Variants in CA12 observed in about 807,000 individuals in gnomAD.
The protein encoded by CA12 is carbonate dehydratase XII.
In CA12, 36 loss-of-function variants were observed where a neutral mutation model predicts 46.8. The observed-to-expected ratio is 0.77, with a 90% CI of 0.59 to 1.02. The LOEUF (loss-of-function observed/expected upper bound fraction) is 1.02, where lower values mean the gene tolerates loss of function less well. Ranked by LOEUF, CA12 falls within the 50% of genes least tolerant of loss-of-function variation. CA12 has a pLI of 0.00. For missense variants in CA12, 436 were observed against 451.4 expected, an observed-to-expected ratio of 0.97 and a Z score of 0.31; for synonymous variants, 202 against 187.0, an observed-to-expected ratio of 1.08 and a Z score of -0.65.
At position 63,355,109 on chromosome 15, in the gene CA12, G is replaced by T. The variant is rs890931640; in HGVS notation, c.107-8400C>A. Among the ~76,000 whole-genome samples, 1 of 152,176 alleles carries T rather than the reference G, an allele frequency of 6.6e-6. No individual in the cohort carries two copies. The highest frequency in any genetic ancestry group is 2.4e-5 in the African/African-American group (1 of 41,430). ...CTCATGACCTGTGACCTTAGAGTATGTTCATCGTGGAGAGGCTCTGCCCAC... is the reference window on the plus strand; with the variant it reads ...CTCATGACCTGTGACCTTAGAGTATTTTCATCGTGGAGAGGCTCTGCCCAC... On this transcript the variant is annotated intron_variant, in intron 2 of 10. Coordinates refer to ENST00000178638, the MANE Select transcript of CA12 (RefSeq NM_001218.5). This position sits in a 1 kb window ranked among gnomAD's most constrained non-coding sequence, Gnocchi z 4.1.
chr15:63,325,264 C>T lies in CA12; in HGVS notation c.*1021G>A, dbSNP rs1039288884. On this transcript the variant is annotated 3_prime_UTR_variant, in exon 11 of 11. Coordinates refer to ENST00000178638, the MANE Select transcript of CA12 (RefSeq NM_001218.5). The surrounding 1 kb of genome is among the most constrained non-coding windows in gnomAD (Gnocchi z 4.9). ...AGAAGTGGCTGAAATGAAATTTGGC[C>T]TACAGAGAATAAGTTCTACAGTCAT... 12 of 152,244 alleles carry T rather than the reference C, an allele frequency of 7.9e-5. No individual in the cohort carries two copies. The highest frequency in any genetic ancestry group is 2.9e-4 in the African/African-American group (12 of 41,550). 9.4% of individuals were successfully genotyped at this position (152,244 alleles called of 1,614,324 possible). A position where few individuals can be genotyped will look rare whatever the true frequency, so the allele number is the denominator to read the frequency against.
chr15:63,376,001 G>T (rs2039566228), intron 1 of CA12, among the ~76,000 whole-genome samples: 1 of 152,040 alleles, frequency 6.6e-6, no homozygotes, highest in African/African-American at 2.4e-5. Flanking sequence ...TAGAGATGGG[G>T]TTTCTCCATG....
In CA12 at chr15:63,342,113, A is replaced by C; in HGVS notation, c.430-16T>G. ...CAATGTGCAGCTGCAGTGGGGGAGA[A>C]GCCACCCATTAGGAGATAAGCGACT... On this transcript the variant is annotated splice_polypyrimidine_tract_variant and intron_variant, in intron 4 of 10. Coordinates refer to ENST00000178638, the MANE Select transcript of CA12 (RefSeq NM_001218.5). 6.4e-7 allele frequency: 1 copy of C among 1,562,172 alleles called. No individual in the cohort carries two copies. Among genetic ancestry groups the C allele is most frequent in the Non-Finnish European group, 8.8e-7 (1 of 1,133,482 alleles).
At chr15:63,351,425 C>T (rs1197674189) in intron 2 of CA12, among the ~76,000 whole-genome samples, 1 of 152,178 alleles carries the variant, frequency 6.6e-6, no homozygotes, top group Non-Finnish European at 1.5e-5. Flanking sequence ...CATCCGTACA[C>T]TCCCTTTCTC....
At position 63,328,254 on chromosome 15, in the gene CA12, A is replaced by G; in HGVS notation, c.875-124T>C. On this transcript the variant is annotated intron_variant, in intron 8 of 10. Transcript: ENST00000178638. The surrounding 1 kb of genome is among the most constrained non-coding windows in gnomAD (Gnocchi z 5.9). ...GGCTGACAGACCTCTAGGGATGTCC[A>G]CCCTTGGCTCAGGGATTGCCTGATG... The G allele has an allele frequency of 2.3e-6, 2 of 852,680 alleles. No individual in the cohort carries two copies. The highest frequency in any genetic ancestry group is 3.9e-6 in the Non-Finnish European group (2 of 508,136). The allele number at this position is 852,680 out of a possible 1,614,324, so 52.8% of individuals were successfully genotyped here.
chr15:63,329,782 G>A lies in CA12; in HGVS notation c.875-1652C>T, dbSNP rs1372096620. ...GGACTCTCCCTTGGGGCCCTTAACA[G>A]CCTGGGGAACCAGATCTGAGGCTGC... On this transcript the variant is annotated intron_variant, in intron 8 of 10. Coordinates refer to ENST00000178638, the MANE Select transcript of CA12 (RefSeq NM_001218.5). The surrounding 1 kb of genome is among the most constrained non-coding windows in gnomAD (Gnocchi z 4.8). 1.3e-5 allele frequency among the ~76,000 whole-genome samples: 2 copies of A among 152,190 alleles called. No homozygotes were observed. The highest frequency in any genetic ancestry group is 4.8e-5 in the African/African-American group (2 of 41,444).
At chr15:63,366,476 T>C (rs545938434) in intron 2 of CA12, among the ~76,000 whole-genome samples, 2 of 152,350 alleles carry the variant, frequency 1.3e-5, no homozygotes, top group South Asian at 4.1e-4. Flanking sequence ...AGGCCCCGCT[T>C]AATTGCTCTG....
chr15:63,381,820 G>C lies in CA12; in HGVS notation c.-100C>G. 2.7e-6 allele frequency: 2 copies of C among 753,336 alleles called. No individual in the cohort carries two copies. Among genetic ancestry groups the C allele is most frequent in the South Asian group, 5.1e-5 (2 of 39,132 alleles). 46.7% of individuals were successfully genotyped at this position (753,336 alleles called of 1,614,324 possible). A position where few individuals can be genotyped will look rare whatever the true frequency, so the allele number is the denominator to read the frequency against. On this transcript the variant is annotated 5_prime_UTR_variant, in exon 1 of 11. Transcript: ENST00000178638. The stretch of plus-strand genomic sequence containing the variant: ...CCGGGACCGCGTGCGCGCAGCCTGG[G>C]TGCCGTGGCGAGTACGTCCGCCCTT...
Position 63,325,363 on chromosome 15 carries a change from C to A in CA12, c.*922G>T, listed in dbSNP as rs902551809. ...CGGAACTCATGTCTCCTCCAGGACA[C>A]AGCAACAACACATTTTCAAGGAACA... On this transcript the variant is annotated 3_prime_UTR_variant, in exon 11 of 11. Transcript: ENST00000178638. The surrounding 1 kb of genome is among the most constrained non-coding windows in gnomAD (Gnocchi z 4.9). 6.6e-6 allele frequency: 1 copy of A among 152,138 alleles called. No individual in the cohort carries two copies. Among genetic ancestry groups the A allele is most frequent in the Non-Finnish European group, 1.5e-5 (1 of 68,042 alleles). The allele number at this position is 152,138 out of a possible 1,614,324, so 9.4% of individuals were successfully genotyped here.
intron 2 of CA12, among the ~76,000 whole-genome samples, chr15:63,364,414 G>T (rs1197189162): frequency 1.3e-5 from 2 of 149,050 alleles, no homozygotes; most frequent in Non-Finnish European, 3.0e-5. Flanking sequence ...CCTAAGCACG[G>T]TTCCAAGCAG....
rs770126076 is a variant in CA12, at chr15:63,340,390, G to A, written c.645C>T (p.Thr215=). The change falls in exon 7 of 11, where the codon ACC becomes ACT. Residue 215 remains threonine, a synonymous_variant. Transcript: ENST00000178638. This position sits in a 1 kb window ranked among gnomAD's most constrained non-coding sequence, Gnocchi z 4.4. The part of the protein sequence containing the change: ...FNIEELLPER[T]AEYYRYRGSL... ...ACCCCCGGTAGCGGTAATATTCAGC[G>A]GTCCTCTCCGGAAGCAGCTCTTCAA... 1.9e-5 allele frequency: 30 copies of A among 1,613,978 alleles called. No homozygotes were observed. Among genetic ancestry groups the A allele is most frequent in the East Asian group, 1.1e-4 (5 of 44,890 alleles).
chr15:63,344,557 C>A (rs1345785295), intron 4 of CA12, among the ~76,000 whole-genome samples: 1 of 152,226 alleles, frequency 6.6e-6, no homozygotes, highest in East Asian at 1.9e-4. Context: ...TCCAGTGGTA[C>A]CATCCTATTG....
chr15:63,344,975 A>G (rs1219037244), intron 4 of CA12, among the ~76,000 whole-genome samples: 2 of 152,118 alleles, frequency 1.3e-5, no homozygotes, highest in Non-Finnish European at 2.9e-5. Context: ...GTACCCCTAG[A>G]CTTGTGGCCA....
chr15:63,358,662 G>T (rs902420847), intron 2 of CA12, among the ~76,000 whole-genome samples: 5 of 152,188 alleles, frequency 3.3e-5, no homozygotes, highest in Admixed American at 3.3e-4. Flanking sequence ...GGAAATCGGG[G>T]TATCTAATTT....
intron 2 of CA12, among the ~76,000 whole-genome samples, chr15:63,347,861 A>G (rs1168097454): frequency 6.6e-6 from 1 of 152,142 alleles, no homozygotes; most frequent in Non-Finnish European, 1.5e-5. Context: ...GTATTTCAAC[A>G]CAAGGAAGGT....
At chr15:63,350,194 C>G (rs2039210480) in intron 2 of CA12, among the ~76,000 whole-genome samples, 1 of 152,178 alleles carries the variant, frequency 6.6e-6, no homozygotes, top group South Asian at 2.1e-4. Flanking sequence ...GTCTTTGTGG[C>G]ATGTGAGAGA....
intron 1 of CA12, among the ~76,000 whole-genome samples, chr15:63,381,055 C>T (rs1243405381): frequency 6.6e-6 from 1 of 151,916 alleles, no homozygotes; most frequent in Non-Finnish European, 1.5e-5. Flanking sequence ...TGTGCGTGCG[C>T]GCGTGCGTGT....
At position 63,340,186 on chromosome 15, in the gene CA12, C is replaced by T. The variant is rs2039058194; in HGVS notation, c.747+102G>A. 7.5e-7 allele frequency: 1 copy of T among 1,339,838 alleles called. No homozygotes were observed. Among genetic ancestry groups the T allele is most frequent in the Non-Finnish European group, 1.1e-6 (1 of 944,040 alleles). 83.0% of individuals were successfully genotyped at this position (1,339,838 alleles called of 1,614,324 possible). A position where few individuals can be genotyped will look rare whatever the true frequency, so the allele number is the denominator to read the frequency against. ...ATTTGGAGAGGTTTTGAAGAGCTGC[C>T]AATGAAACTAAATGAGGAAATCAAG... On this transcript the variant is annotated intron_variant, in intron 7 of 10. Transcript: ENST00000178638. This position sits in a 1 kb window ranked among gnomAD's most constrained non-coding sequence, Gnocchi z 4.4.
chr15:63,345,581 G>A lies in CA12; in HGVS notation c.325C>T (p.Leu109Phe). Residue 109 changes from leucine to phenylalanine, a missense_variant, in exon 4 of 11, where the codon CTC becomes TTC. Transcript: ENST00000178638. This position sits in a 1 kb window ranked among gnomAD's most constrained non-coding sequence, Gnocchi z 4.3. ...NLPSDMHIQG[L>F]QSRYSATQLH... ...TGCGTGGCACTGTAGCGAGACTGGA[G>A]GCCCTGGATGTGCATGTCCGAGGGC... 6.2e-7 allele frequency: 1 copy of A among 1,613,448 alleles called. No homozygotes were observed. The highest frequency in any genetic ancestry group is 8.5e-7 in the Non-Finnish European group (1 of 1,180,020).
Sources: allele counts gnomAD v4.1 joint callset (sites outside exome capture counted in the v4.1 genomes callset), GRCh38; gene constraint gnomAD v4.1.1; non-coding constraint Gnocchi (gnomAD v3.1); transcripts MANE v1.5; gene names NCBI Gene and HGNC (gene_info 2026-07-23, HGNC 2026-07-21).